The following EIF4E2 variants were observed in gnomAD, a reference collection of about 807,000 sequenced individuals.
EIF4E2 encodes the protein eukaryotic translation initiation factor 4E family member 2, also known as eukaryotic translation initiation factor 4E type 2.
EIF4E2 carries 13 observed loss-of-function variants against 34.2 expected under a neutral mutation model. The ratio of observed to expected loss-of-function variants is 0.38; its 90% confidence interval spans 0.25 to 0.60. The LOEUF is 0.60. EIF4E2 is among the 20% of genes least tolerant of loss of function. The pLI, the probability that EIF4E2 is intolerant of heterozygous loss-of-function variation, is 0.62. For missense variants in EIF4E2, 222 were observed against 315.1 expected (o/e 0.70, Z 2.24); for synonymous variants, 100 against 106.6 (o/e 0.94, Z 0.38).
At position 232,566,108 on chromosome 2, in the gene EIF4E2, A is replaced by G. The variant is rs1206652413; in HGVS notation, c.376-721A>G. ...CTCCATCGCAAAAAAGAAAAAAAAA[A>G]AAACTAGATTGGGGCTTCATGTCTG... is the stretch of plus-strand genomic sequence containing the variant. On this transcript the variant is annotated intron_variant, in intron 4 of 6. Transcript: ENST00000258416. The surrounding 1 kb of genome is among the most constrained non-coding windows in gnomAD (Gnocchi z 4.9). Among the ~76,000 whole-genome samples the G allele has an allele frequency of 6.6e-6, 1 of 151,932 alleles. No individual in the cohort carries two copies. The highest frequency in any genetic ancestry group is 2.4e-5 in the African/African-American group (1 of 41,334).
intron 2 of EIF4E2, among the ~76,000 whole-genome samples, chr2:232,557,354 A>C (rs1692560559): frequency 6.6e-6 from 1 of 152,198 alleles, no homozygotes; most frequent in South Asian, 2.1e-4. Flanking sequence ...AGAGGACACA[A>C]AGGTGAATGA....
At chr2:232,554,731 A>G (rs1692464654) in intron 1 of EIF4E2, among the ~76,000 whole-genome samples, 5 of 152,206 alleles carry the variant, frequency 3.3e-5, no homozygotes. Context: ...TTCTCTGCTC[A>G]TCTGCTCCAT....
Position 232,568,960 on chromosome 2 carries a change from G to A in EIF4E2, c.681G>A (p.Leu227=). The A allele has an allele frequency of 6.2e-7, 1 of 1,614,180 alleles. No homozygotes were observed. The highest frequency in any genetic ancestry group is 8.5e-7 in the Non-Finnish European group (1 of 1,180,038). Residue 227 remains leucine (L), a synonymous_variant, in exon 7 of 7, where the codon CTG becomes CTA. Transcript: ENST00000258416. Reference sequence around the variant, plus strand: ...CTTCCACTAGAATGCCAGGCAGGCTGGGCCCCCAAAGGCTCCTTTTTCAAA... The same window carrying A: ...CTTCCACTAGAATGCCAGGCAGGCTAGGCCCCCAAAGGCTCCTTTTTCAAA... The part of the protein sequence containing the change: ...HTDSIKMPGR[L]GPQRLLFQNL...
intron 3 of EIF4E2, among the ~76,000 whole-genome samples, chr2:232,559,465 C>T (rs1395987681): frequency 6.7e-6 from 1 of 150,088 alleles, no homozygotes; most frequent in Non-Finnish European, 1.5e-5. Context: ...AAATAAAATG[C>T]AGAAACTAGA....
chr2:232,565,944 T>G (rs1004218725), intron 4 of EIF4E2, among the ~76,000 whole-genome samples: 1 of 151,588 alleles, frequency 6.6e-6, no homozygotes, highest in Non-Finnish European at 1.5e-5. Context: ...ATACAATAAT[T>G]AGCCGGGTGT....
chr2:232,575,435 G>A, intron 6 of EIF4E2, among the ~76,000 whole-genome samples: 1 of 152,158 alleles, frequency 6.6e-6, no homozygotes, highest in South Asian at 2.1e-4. Context: ...TCTTCTGGTG[G>A]CTTAAAATTT....
intron 6 of EIF4E2, chr2:232,567,935 C>G (rs376807085): frequency 2.4e-5 from 24 of 983,532 alleles, no homozygotes; most frequent in Non-Finnish European, 2.9e-5. Context: ...AGCTAGCCAG[C>G]TAAGAGTTAG....
At chr2:232,550,820 C>A in intron 1 of EIF4E2, 76 bp downstream of exon 1, 1 of 1,372,954 alleles carries the variant, frequency 7.3e-7, no homozygotes, top group Non-Finnish European at 9.8e-7. Context: ...GGGGCTGGGG[C>A]GGCGCAAACC....
intron 6 of EIF4E2, 56 bp downstream of exon 6, chr2:232,567,270 T>C (rs942224134): frequency 1.9e-6 from 3 of 1,607,040 alleles, no homozygotes; most frequent in Non-Finnish European, 2.6e-6. Flanking sequence ...TAAGTAGATC[T>C]GTAGTTGGGC....
chr2:232,562,944 A>G (rs1223543343), intron 3 of EIF4E2, among the ~76,000 whole-genome samples: 1 of 91,764 alleles, frequency 1.1e-5, no homozygotes, highest in Admixed American at 1.4e-4. Flanking sequence ...TCTTTTTACC[A>G]TGTAAGATGC....
intron 1 of EIF4E2, among the ~76,000 whole-genome samples, chr2:232,555,405 G>A (rs1303505390): frequency 6.6e-6 from 1 of 152,184 alleles, no homozygotes; most frequent in Non-Finnish European, 1.5e-5. Context: ...GTCTGGATCC[G>A]GTGATTTTAG....
intron 3 of EIF4E2, among the ~76,000 whole-genome samples, chr2:232,563,170 T>G (rs994831571): frequency 2.6e-5 from 4 of 152,246 alleles, no homozygotes; most frequent in African/African-American, 9.6e-5. Context: ...CTCATTGGAA[T>G]GTTCCGTGTT....
downstream of EIF4E2, among the ~76,000 whole-genome samples, chr2:232,572,769 GA>G (rs1693123525): frequency 6.6e-6 from 1 of 152,214 alleles, no homozygotes; most frequent in African/African-American, 2.4e-5. Flanking sequence ...GAGTAGGAGG[GA>G]GCTGTGAAGT....
At position 232,581,102 on chromosome 2, in the gene EIF4E2, A is replaced by G. The variant is rs1462682314; in HGVS notation, c.*159A>G. 3 of 762,832 alleles carry G rather than the reference A, an allele frequency of 3.9e-6. No individual in the cohort carries two copies. Among genetic ancestry groups the G allele is most frequent in the Non-Finnish European group, 7.0e-6 (3 of 428,278 alleles). 47.3% of individuals were successfully genotyped at this position (762,832 alleles called of 1,614,324 possible). A position where few individuals can be genotyped will look rare whatever the true frequency, so the allele number is the denominator to read the frequency against. On this transcript the variant is annotated 3_prime_UTR_variant, in exon 7 of 7. Coordinates refer to the EIF4E2 transcript ENST00000409098. This position sits in a 1 kb window ranked among gnomAD's most constrained non-coding sequence, Gnocchi z 5.2. ...TCCTGGAGGACGGATTCCGCTAGAC[A>G]CCCTCCAGCATCGCTGACTTTATAA...
In EIF4E2 at chr2:232,566,397, A is replaced by AGGCTGACAC. The variant is rs1198097742; in HGVS notation, c.376-431_376-430insGCTGACACG. ...AGTAGAGACGCGGTTTCACCGTGTCAGCCAGGATGGTCTCGATCTCCTCAC... is the reference window on the plus strand; with the variant it reads ...AGTAGAGACGCGGTTTCACCGTGTCAGGCTGACACGCCAGGATGGTCTCGATCTCCTCAC... On this transcript the variant is annotated intron_variant, in intron 4 of 6. Transcript: ENST00000258416. This position sits in a 1 kb window ranked among gnomAD's most constrained non-coding sequence, Gnocchi z 4.9. 2.0e-5 allele frequency among the ~76,000 whole-genome samples: 3 copies of AGGCTGACAC among 152,174 alleles called. No individual in the cohort carries two copies. Among genetic ancestry groups the AGGCTGACAC allele is most frequent in the Admixed American group, 6.6e-5 (1 of 15,262 alleles).
At chr2:232,570,510 C>T (rs2106251974), downstream of EIF4E2, among the ~76,000 whole-genome samples, 1 of 152,298 alleles carries the variant, frequency 6.6e-6, no homozygotes, top group South Asian at 2.1e-4. Flanking sequence ...TGATTAGAAG[C>T]ACCAAACTGA....
At chr2:232,562,063 A>C (rs1432159373) in intron 3 of EIF4E2, among the ~76,000 whole-genome samples, 3 of 151,936 alleles carry the variant, frequency 2.0e-5, no homozygotes, top group African/African-American at 7.3e-5. Context: ...AAAAAGTAAA[A>C]AAATAGCTGG....
At chr2:232,580,871 A>G in intron 6 of EIF4E2, 1 of 1,533,594 alleles carries the variant, frequency 6.5e-7, no homozygotes, top group Non-Finnish European at 8.8e-7. Flanking sequence ...CCTTGTATTG[A>G]ACACTCTATT....
intron 6 of EIF4E2, among the ~76,000 whole-genome samples, chr2:232,580,554 A>G (rs1693328238): frequency 6.6e-6 from 1 of 152,180 alleles, no homozygotes; most frequent in African/African-American, 2.4e-5. Context: ...GTGTGTACAC[A>G]CTACACCTTA....
Sources: gnomAD v4.1 joint callset for allele counts (sites outside exome capture counted in the v4.1 genomes callset) on GRCh38, gnomAD v4.1.1 for gene constraint, Gnocchi (gnomAD v3.1) non-coding constraint, MANE v1.5 for transcripts, NCBI Gene and HGNC (gene_info 2026-07-23, HGNC 2026-07-21) for gene names.